Variants in TEX11 observed in about 807,000 individuals in gnomAD.
TEX11 encodes the protein testis-expressed protein 11.
In TEX11, 7 loss-of-function variants were observed where a neutral mutation model predicts 84.4. That is an observed-to-expected ratio of 0.08 (90% confidence interval 0.05 to 0.16). The LOEUF is 0.16. Ranked by LOEUF, TEX11 falls within the 10% of genes least tolerant of loss-of-function variation. The pLI, the probability that TEX11 is intolerant of heterozygous loss-of-function variation, is 1.00. For missense variants in TEX11, 551 were observed against 660.5 expected (o/e 0.83, Z 1.82); for synonymous variants, 264 against 222.8 (o/e 1.18, Z -1.64).
chrX:70,565,317 G>A (rs1406494317), intron 25 of TEX11, among the ~76,000 whole-genome samples: 4 of 107,992 alleles, frequency 3.7e-5, no homozygotes. Context: ...TTTGTCAGAT[G>A]AGTAGGTTGT....
chrX:70,534,722 C>A (rs2087933850), intron 28 of TEX11, among the ~76,000 whole-genome samples: 1 of 111,886 alleles, frequency 8.9e-6, no homozygotes, highest in African/African-American at 3.2e-5. Flanking sequence ...TCCTTTTAGG[C>A]TCTCCATAGA....
At chrX:70,631,357 G>T (rs958602513) in intron 17 of TEX11, among the ~76,000 whole-genome samples, 1 of 112,208 alleles carries the variant, frequency 8.9e-6, no homozygotes, top group South Asian at 3.7e-4. Flanking sequence ...TGGAAAATCT[G>T]CAAATATTTG....
intron 24 of TEX11, among the ~76,000 whole-genome samples, chrX:70,598,173 T>G (rs978425718): frequency 2.7e-5 from 3 of 112,122 alleles, no homozygotes; most frequent in African/African-American, 9.7e-5. Context: ...AGAACAAGAC[T>G]CCATCTCTAA....
At chrX:70,605,051 G>A (rs768941327) in intron 24 of TEX11, among the ~76,000 whole-genome samples, 83 of 111,889 alleles carry the variant, frequency 7.4e-4, no homozygotes, top group South Asian at 1.5e-3. Flanking sequence ...GGAAACAGAT[G>A]AGTTCTTCCT....
intron 2 of TEX11, among the ~76,000 whole-genome samples, chrX:70,888,288 A>C (rs1252651440): frequency 1.8e-5 from 2 of 112,851 alleles, no homozygotes; most frequent in Non-Finnish European, 3.7e-5. Context: ...GAGATAATTC[A>C]AAATAGCTGT....
At chrX:70,747,337 A>C (rs759838678) in intron 9 of TEX11, among the ~76,000 whole-genome samples, 1 of 112,295 alleles carries the variant, frequency 8.9e-6, no homozygotes, top group South Asian at 3.7e-4. Flanking sequence ...AAGGGGAAAA[A>C]TTCTGAGCAG....
intron 20 of TEX11, among the ~76,000 whole-genome samples, chrX:70,615,419 G>C (rs2089307159): frequency 8.9e-6 from 1 of 111,844 alleles, no homozygotes; most frequent in Non-Finnish European, 1.9e-5. Flanking sequence ...TTTCTAAATA[G>C]TAGAACTGAT....
At chrX:70,624,785 G>A (rs1449365501) in intron 19 of TEX11, 54 bp downstream of exon 19, 2 of 1,010,728 alleles carry the variant, frequency 2.0e-6, no homozygotes, top group Admixed American at 2.6e-5. Context: ...TATTGACTAA[G>A]AGCAAGATAA....
At chrX:70,759,171 C>G (rs2090890623) in intron 9 of TEX11, among the ~76,000 whole-genome samples, 1 of 111,599 alleles carries the variant, frequency 9.0e-6, no homozygotes, top group African/African-American at 3.3e-5. Flanking sequence ...GGACTCACAG[C>G]CAAATTCTAT....
intron 4 of TEX11, among the ~76,000 whole-genome samples, chrX:70,861,449 AT>A (rs2091569232): frequency 7.6e-5 from 2 of 26,244 alleles, no homozygotes; most frequent in Admixed American, 1.0e-3. Flanking sequence ...TCAGTAAGAG[AT>A]TTATTTATTT....
chrX:70,591,000 C>T (rs922864728), intron 25 of TEX11, among the ~76,000 whole-genome samples: 23 of 111,044 alleles, frequency 2.1e-4, no homozygotes, highest in Non-Finnish European at 4.1e-4. Context: ...CTGTCCGCCT[C>T]GGCCTCCCAA....
chrX:70,525,430 T>C (rs2147919972), downstream of TEX11, among the ~76,000 whole-genome samples: 1 of 109,061 alleles, frequency 9.2e-6, no homozygotes, highest in East Asian at 2.9e-4. Flanking sequence ...TACAAAAAAA[T>C]AGAAAAATTA....
At position 70,873,759 on chromosome X, in the gene TEX11, T is replaced by C. The variant is rs765422746; in HGVS notation, c.160-452A>G. Among the ~76,000 whole-genome samples the C allele has an allele frequency of 7.1e-5, 8 of 112,308 alleles. No homozygotes were observed. In the East Asian group the frequency reaches 2.2e-3, roughly 31 times the overall value. ...GTTTTATTTCTTTTCTTTAACCCAATTTATGCACAGCAGTGGTACAAAATG... is the reference window on the plus strand; with the variant it reads ...GTTTTATTTCTTTTCTTTAACCCAACTTATGCACAGCAGTGGTACAAAATG... On this transcript the variant is annotated intron_variant, in intron 3 of 29. Transcript: ENST00000374333.
intron 15 of TEX11, among the ~76,000 whole-genome samples, chrX:70,671,279 A>T (rs780081381): frequency 9.0e-6 from 1 of 111,646 alleles, no homozygotes; most frequent in Non-Finnish European, 1.9e-5. Context: ...AACCAAGGTA[A>T]GGTAAATGAT....
chrX:70,625,861 C>A (rs982587822), intron 18 of TEX11, among the ~76,000 whole-genome samples: 4 of 107,010 alleles, frequency 3.7e-5, no homozygotes, highest in Admixed American at 2.0e-4. Flanking sequence ...GATTCTCCTG[C>A]CTCAGCCTCC....
intron 13 of TEX11, among the ~76,000 whole-genome samples, chrX:70,686,709 A>T (rs756843896): frequency 9.0e-6 from 1 of 111,206 alleles, no homozygotes; most frequent in African/African-American, 3.3e-5. Context: ...AAAAAAAAAA[A>T]AAATACAGAA....
In TEX11 at chrX:70,605,489, A is replaced by G. The variant is rs2089186116; in HGVS notation, c.1979T>C (p.Val660Ala). The G allele has an allele frequency of 8.3e-7, 1 of 1,207,190 alleles. No individual in the cohort carries two copies. Reference protein sequence around the residue: ...KMSQFCPSDQVILIARKTCLL... With the variant: ...KMSQFCPSDQAILIARKTCLL... ...ACATGTTTTCCGTGCAATCAGAATTACTTGATCAGAAGGACAAAACTGGGA... is the reference window on the plus strand; with the variant it reads ...ACATGTTTTCCGTGCAATCAGAATTGCTTGATCAGAAGGACAAAACTGGGA... The change falls in exon 24 of 30, where the codon GTA becomes GCA. Residue 660 changes from valine to alanine, a missense_variant. Val to Ala is a moderately conservative substitution (Grantham distance 64, BLOSUM62 0). Transcript: ENST00000374333.
chrX:70,833,472 A>G, intron 8 of TEX11, 41 bp downstream of exon 8: 1 of 1,070,835 alleles, frequency 9.3e-7, no homozygotes, highest in East Asian at 3.0e-5. Context: ...AACTTGATAT[A>G]GCATATTTTC....
chrX:70,541,880 T>G (rs1040798075), intron 28 of TEX11, among the ~76,000 whole-genome samples: 1 of 112,543 alleles, frequency 8.9e-6, no homozygotes, highest in Non-Finnish European at 1.9e-5. Flanking sequence ...ACAATCGACT[T>G]CTTCTTAAAA....
Sources: allele counts gnomAD v4.1 joint callset (sites outside exome capture counted in the v4.1 genomes callset), GRCh38; gene constraint gnomAD v4.1.1; transcripts MANE v1.5; gene names NCBI Gene and HGNC (gene_info 2026-07-23, HGNC 2026-07-21).